The following TCERG1L variants were observed in gnomAD, a reference collection of about 807,000 sequenced individuals.
The protein encoded by TCERG1L is transcription elongation regulator 1 like.
In TCERG1L, 37 loss-of-function variants were observed where a neutral mutation model predicts 56.3. The ratio of observed to expected loss-of-function variants is 0.66; its 90% CI spans 0.51 to 0.87. TCERG1L has a LOEUF of 0.87. Ranked by LOEUF, TCERG1L falls within the 40% of genes least tolerant of loss-of-function variation. TCERG1L has a pLI of 0.00. For synonymous variants in TCERG1L, 324 were observed against 326.3 expected (o/e 0.99, Z 0.08); for missense variants, 799 against 774.2 (o/e 1.03, Z -0.38).
intron 6 of TCERG1L, chr10:131,160,902 T>A (rs960403860): frequency 6.6e-6 from 1 of 152,194 alleles, no homozygotes; most frequent in Non-Finnish European, 1.5e-5. Flanking sequence ...TCAAGTCTTC[T>A]GGATCCCTGC....
In TCERG1L at chr10:131,188,159, G is replaced by T. The variant is rs1272954991; in HGVS notation, c.857-21274C>A. 3.9e-5 allele frequency among the ~76,000 whole-genome samples: 6 copies of T among 152,240 alleles called. No individual in the cohort carries two copies. In the East Asian group the frequency reaches 1.2e-3, roughly 29 times the overall value. ...GATGGAGGGCTTGGCTGTCCCAGCA[G>T]TTAATTGGTTGTGTTATTTATGTGT... On this transcript the variant is annotated intron_variant, in intron 4 of 11. Coordinates refer to ENST00000368642, the MANE Select transcript of TCERG1L (RefSeq NM_174937.4).
intron 11 of TCERG1L, among the ~76,000 whole-genome samples, 197 bp from the exon 12 acceptor site, chr10:131,093,515 C>T (rs1845204953): frequency 6.6e-6 from 1 of 152,166 alleles, no homozygotes; most frequent in Admixed American, 6.5e-5. Context: ...CCCTGACCCA[C>T]CCTCACTTGC....
chr10:131,155,370 A>G (rs1348303676), intron 6 of TCERG1L, among the ~76,000 whole-genome samples: 1 of 152,134 alleles, frequency 6.6e-6, no homozygotes, highest in Non-Finnish European at 1.5e-5. Flanking sequence ...AGCCGAGTCC[A>G]CTCGGGGCCC....
intron 9 of TCERG1L, among the ~76,000 whole-genome samples, chr10:131,109,737 T>C (rs1425553966): frequency 1.3e-5 from 2 of 152,166 alleles, no homozygotes; most frequent in African/African-American, 4.8e-5. Flanking sequence ...CTCAGCCTCC[T>C]GCAGCGGGAC....
At chr10:131,121,092 ACT>A (rs1165908734) in intron 8 of TCERG1L, among the ~76,000 whole-genome samples, 1 of 152,084 alleles carries the variant, frequency 6.6e-6, no homozygotes, top group African/African-American at 2.4e-5. Flanking sequence ...CATTTGAGAG[ACT>A]CTGCAGAAAC....
intron 6 of TCERG1L, among the ~76,000 whole-genome samples, chr10:131,157,240 C>G (rs138925866): frequency 9.0e-4 from 137 of 152,308 alleles, no homozygotes; most frequent in Middle Eastern, 6.8e-3. Context: ...TTAAAAAGAA[C>G]TTTGATCTGT....
At chr10:131,248,166 CACACACCCACATG>C (rs1281661970) in intron 4 of TCERG1L, among the ~76,000 whole-genome samples, 1 of 151,352 alleles carries the variant, frequency 6.6e-6, no homozygotes, top group Non-Finnish European at 1.5e-5. Context: ...TAAACACACC[CACACACCCACATG>C]ACACACACAA....
intron 6 of TCERG1L, among the ~76,000 whole-genome samples, chr10:131,157,208 T>C (rs1163252513): frequency 1.3e-5 from 2 of 152,216 alleles, no homozygotes; most frequent in African/African-American, 2.4e-5. Flanking sequence ...CAAAGTGCAC[T>C]TTCGTATCTT....
intron 4 of TCERG1L, among the ~76,000 whole-genome samples, chr10:131,218,481 CT>C (rs1462183285): frequency 2.1e-5 from 3 of 144,816 alleles, no homozygotes; most frequent in Non-Finnish European, 4.5e-5. Context: ...TTCTGCGATC[CT>C]TTTTTTCTAT....
intron 1 of TCERG1L, among the ~76,000 whole-genome samples, chr10:131,310,383 A>G (rs1343416693): frequency 2.0e-5 from 3 of 152,240 alleles, no homozygotes; most frequent in Admixed American, 6.5e-5. Context: ...AAGTCTAAAG[A>G]CCAATTTAGC....
chr10:131,137,608 C>T (rs1176568369), intron 7 of TCERG1L, among the ~76,000 whole-genome samples: 3 of 152,164 alleles, frequency 2.0e-5, no homozygotes, highest in Non-Finnish European at 2.9e-5. Flanking sequence ...AGGGAGGCCA[C>T]GGGGGAAACA....
At chr10:131,182,148 T>G (rs1376871945) in intron 4 of TCERG1L, among the ~76,000 whole-genome samples, 1 of 152,216 alleles carries the variant, frequency 6.6e-6, no homozygotes, top group Non-Finnish European at 1.5e-5. Context: ...TATGAGCATG[T>G]GTGTGCATGT....
At chr10:131,213,217 C>T (rs2133490320) in intron 4 of TCERG1L, among the ~76,000 whole-genome samples, 1 of 152,316 alleles carries the variant, frequency 6.6e-6, no homozygotes, top group South Asian at 2.1e-4. Context: ...CAGCCCTGAG[C>T]TCCTGGCACA....
intron 7 of TCERG1L, among the ~76,000 whole-genome samples, chr10:131,141,976 C>T (rs1321103976): frequency 6.6e-6 from 1 of 152,136 alleles, no homozygotes; most frequent in African/African-American, 2.4e-5. Flanking sequence ...TCCACCCTCA[C>T]ACTCGACTTT....
At chr10:131,158,288 G>A (rs561521296) in intron 6 of TCERG1L, among the ~76,000 whole-genome samples, 9 of 152,312 alleles carry the variant, frequency 5.9e-5, no homozygotes, top group African/African-American at 1.4e-4. Flanking sequence ...CCAAGAGCAG[G>A]TGCATATCAG....
chr10:131,193,788 T>G (rs2397754), intron 4 of TCERG1L, among the ~76,000 whole-genome samples: 66,934 of 152,142 alleles, frequency 0.44, 16,643 homozygotes, highest in South Asian at 0.62. Flanking sequence ...CCTCTAGCTT[T>G]TTCCTTTTGT....
Position 131,196,052 on chromosome 10 carries a change from C to T in TCERG1L, c.857-29167G>A, listed in dbSNP as rs541815680. Among the ~76,000 whole-genome samples the T allele has an allele frequency of 5.9e-5, 9 of 152,316 alleles. No homozygotes were observed. The East Asian group carries it at 1.4e-3, about 23-fold the overall frequency. ...CAGCCAGCTGAACAGCAGTGAGTACCCCCATTGCCAGCAGCCCCACTGAAT... is the reference window on the plus strand; with the variant it reads ...CAGCCAGCTGAACAGCAGTGAGTACTCCCATTGCCAGCAGCCCCACTGAAT... On this transcript the variant is annotated intron_variant, in intron 4 of 11. Transcript: ENST00000368642.
chr10:131,172,187 T>C (rs1161602786), intron 4 of TCERG1L, among the ~76,000 whole-genome samples: 2 of 151,860 alleles, frequency 1.3e-5, no homozygotes, highest in Non-Finnish European at 2.9e-5. Context: ...GCCCTCACCA[T>C]GAGGCTGTAA....
chr10:131,146,214 A>T (rs772367924), intron 7 of TCERG1L, among the ~76,000 whole-genome samples: 1 of 152,198 alleles, frequency 6.6e-6, no homozygotes, highest in Non-Finnish European at 1.5e-5. Flanking sequence ...AATGCTGGGT[A>T]ACAGTGATGC....
Sources: allele counts gnomAD v4.1 joint callset (sites outside exome capture counted in the v4.1 genomes callset), GRCh38; gene constraint gnomAD v4.1.1; transcripts MANE v1.5; gene names NCBI Gene and HGNC (gene_info 2026-07-23, HGNC 2026-07-21).